Variants in SV2C observed in about 807,000 individuals in gnomAD.
The protein encoded by SV2C is solute carrier family 22 member B3.
SV2C carries 49 observed loss-of-function variants against 79.7 expected under a neutral mutation model. That is an observed-to-expected ratio of 0.61 (90% CI 0.49 to 0.78). The LOEUF is 0.78. SV2C is among the 30% of genes least tolerant of loss of function. SV2C has a pLI of 0.00. For synonymous variants in SV2C, 334 were observed against 333.2 expected, an observed-to-expected ratio of 1.00 and a Z score of -0.03; for missense variants, 833 against 912.9, an observed-to-expected ratio of 0.91 and a Z score of 1.13.
At chr5:75,997,838 G>A in the SV2C span, among the ~76,000 whole-genome samples, 47 of 152,134 alleles carry the variant, frequency 3.1e-4, no homozygotes, top group Admixed American at 3.0e-3. Flanking sequence ...ATCCCATTAC[G>A]GGGTATATAC....
intron 4 of SV2C, among the ~76,000 whole-genome samples, chr5:76,270,797 C>T (rs558708397): frequency 3.4e-4 from 51 of 151,350 alleles, no homozygotes; most frequent in Non-Finnish European, 6.3e-4. Flanking sequence ...GAGACAGGGT[C>T]TCACTCTGTC....
At chr5:76,339,646 G>A (rs539030092) in intron 12 of SV2C, among the ~76,000 whole-genome samples, 27 of 151,722 alleles carry the variant, frequency 1.8e-4, no homozygotes, top group African/African-American at 5.3e-4. Context: ...CCTGGGAGGC[G>A]GAGCTTGCAG....
chr5:76,291,215 C>A lies in SV2C; in HGVS notation c.1138-6C>A, dbSNP rs771341491. On this transcript the variant is annotated splice_region_variant and splice_polypyrimidine_tract_variant and intron_variant, in intron 6 of 12. Coordinates refer to ENST00000502798, the MANE Select transcript of SV2C (RefSeq NM_014979.4). The stretch of plus-strand genomic sequence containing the variant: ...ACTTAGCGCTTTGGTCTGTTTCTCT[C>A]TACAGGTAAACAAAATAAAAACTCC... 2 of 1,600,924 alleles carry A rather than the reference C, an allele frequency of 1.2e-6. No homozygotes were observed. The highest frequency in any genetic ancestry group is 1.7e-5 in the Admixed American group (1 of 58,856).
intron 4 of SV2C, among the ~76,000 whole-genome samples, chr5:76,283,642 A>T (rs1441848933): frequency 1.3e-5 from 2 of 152,198 alleles, no homozygotes; most frequent in Non-Finnish European, 2.9e-5. Flanking sequence ...ATAAAACATC[A>T]TAGCAATCAT....
At chr5:76,175,340 A>G (rs1332988536) in intron 2 of SV2C, among the ~76,000 whole-genome samples, 1 of 152,210 alleles carries the variant, frequency 6.6e-6, no homozygotes, top group Non-Finnish European at 1.5e-5. Context: ...GCTGACCATG[A>G]CGAGATTTTA....
At chr5:76,094,905 C>T (rs1383483197) in intron 1 of SV2C, among the ~76,000 whole-genome samples, 1 of 151,916 alleles carries the variant, frequency 6.6e-6, no homozygotes, top group African/African-American at 2.4e-5. Flanking sequence ...TCTTTTTATA[C>T]TATTGACAGT....
chr5:76,265,475 G>T (rs916416803), intron 4 of SV2C, among the ~76,000 whole-genome samples: 3 of 152,168 alleles, frequency 2.0e-5, no homozygotes, highest in Non-Finnish European at 4.4e-5. Flanking sequence ...GTCTCACTGG[G>T]GTTCCAGGTG....
chr5:75,916,970 ACT>A, the SV2C span, among the ~76,000 whole-genome samples: 5 of 152,062 alleles, frequency 3.3e-5, no homozygotes, highest in Non-Finnish European at 7.4e-5. Flanking sequence ...AGTGGAAGCA[ACT>A]CTGAGTTGTG....
chr5:76,096,252 T>C (rs927997282), intron 1 of SV2C, among the ~76,000 whole-genome samples: 5 of 152,170 alleles, frequency 3.3e-5, no homozygotes, highest in Non-Finnish European at 5.9e-5. Flanking sequence ...CTAATATCTA[T>C]CAATTCCATG....
chr5:76,049,745 C>A, the SV2C span, among the ~76,000 whole-genome samples: 1 of 152,060 alleles, frequency 6.6e-6, no homozygotes, highest in Admixed American at 6.6e-5. Context: ...AACACTTTCC[C>A]CAAAGCAGCA....
the SV2C span, among the ~76,000 whole-genome samples, chr5:75,929,369 G>A: frequency 6.6e-6 from 1 of 152,126 alleles, no homozygotes; most frequent in African/African-American, 2.4e-5. Context: ...CCTTCCAGAT[G>A]AGCCCAGGGA....
At chr5:75,980,125 G>T in the SV2C span, among the ~76,000 whole-genome samples, 1 of 152,058 alleles carries the variant, frequency 6.6e-6, no homozygotes, top group East Asian at 1.9e-4. Context: ...AGAAGAAATG[G>T]ATAAATTCTC....
the SV2C span, among the ~76,000 whole-genome samples, chr5:75,931,885 C>T: frequency 4.6e-5 from 7 of 152,218 alleles, no homozygotes; most frequent in East Asian, 7.7e-4. Context: ...TTCTCCACGT[C>T]GCTCCACCTC....
intron 6 of SV2C, among the ~76,000 whole-genome samples, chr5:76,288,698 A>G (rs181717304): frequency 3.7e-4 from 57 of 152,342 alleles, no homozygotes; most frequent in African/African-American, 1.3e-3. Flanking sequence ...ATGTTGTTAC[A>G]TGAAGGTTAG....
intron 2 of SV2C, among the ~76,000 whole-genome samples, chr5:76,146,083 G>A (rs564443453): frequency 1.3e-5 from 2 of 152,282 alleles, no homozygotes; most frequent in South Asian, 2.1e-4. Context: ...GCAGCAAAGT[G>A]CTTCCTGACA....
chr5:76,272,172 G>A (rs1746890591), intron 4 of SV2C, among the ~76,000 whole-genome samples: 1 of 152,166 alleles, frequency 6.6e-6, no homozygotes, highest in Non-Finnish European at 1.5e-5. Context: ...TGTGCCCTTT[G>A]GGCATCAGCA....
At chr5:75,900,380 T>C in the SV2C span, among the ~76,000 whole-genome samples, 1 of 152,222 alleles carries the variant, frequency 6.6e-6, no homozygotes, top group Non-Finnish European at 1.5e-5. Context: ...TTAAGAATGT[T>C]GAATATTGGC....
the SV2C span, among the ~76,000 whole-genome samples, chr5:75,956,063 T>G: frequency 7.0e-6 from 1 of 142,206 alleles, no homozygotes; most frequent in African/African-American, 2.6e-5. Flanking sequence ...CCCAAAGGAC[T>G]ATAAATCATG....
intron 4 of SV2C, among the ~76,000 whole-genome samples, chr5:76,229,752 G>A (rs1745357196): frequency 3.3e-5 from 5 of 152,240 alleles, no homozygotes; most frequent in Admixed American, 3.3e-4. Flanking sequence ...CTTTCTCAAA[G>A]TCATGCTGAG....
Sources: allele counts gnomAD v4.1 joint callset (sites outside exome capture counted in the v4.1 genomes callset), GRCh38; gene constraint gnomAD v4.1.1; transcripts MANE v1.5; gene names NCBI Gene and HGNC (gene_info 2026-07-23, HGNC 2026-07-21).